The following FGGY variants were observed in gnomAD, a reference collection of about 807,000 sequenced individuals.
FGGY encodes the protein FGGY carbohydrate kinase domain containing, also known as FGGY carbohydrate kinase domain-containing protein.
A neutral mutation model predicts 71.3 loss-of-function variants in FGGY; 72 were observed. The observed-to-expected ratio is 1.01, with a 90% confidence interval of 0.84 to 1.23. The LOEUF (loss-of-function observed/expected upper bound fraction) is 1.23, where lower values mean the gene tolerates loss of function less well. Ranked by LOEUF, FGGY falls within the 50% of genes most tolerant of loss-of-function variation. The probability of loss-of-function intolerance (pLI) is 0.00; values close to 1 mark genes in which losing one functional copy is unlikely to be tolerated. For missense variants in FGGY, 668 were observed against 682.3 expected, an observed-to-expected ratio of 0.98 and a Z score of 0.23; for synonymous variants, 251 against 250.3, an observed-to-expected ratio of 1.00 and a Z score of -0.02.
rs551950731 is a variant in FGGY, at chr1:59,620,807, A to G, written c.1012-5181A>G. Reference sequence around the variant, plus strand: ...CTTCAACTGTGTAGTTCTACTTACCACTCCTATCCCAGCTCTTCACGCTGT... The same window carrying G: ...CTTCAACTGTGTAGTTCTACTTACCGCTCCTATCCCAGCTCTTCACGCTGT... On this transcript the variant is annotated intron_variant, in intron 9 of 15. Transcript: ENST00000303721. 3.3e-5 allele frequency among the ~76,000 whole-genome samples: 5 copies of G among 151,990 alleles called. No individual in the cohort carries two copies. The East Asian group carries it at 9.7e-4, about 29-fold the overall frequency.
At chr1:59,367,810 CT>C (rs2056835993) in intron 4 of FGGY, among the ~76,000 whole-genome samples, 1 of 152,198 alleles carries the variant, frequency 6.6e-6, no homozygotes, top group Non-Finnish European at 1.5e-5. Context: ...ACATACTGCC[CT>C]ACCTCCGCCC....
At chr1:59,745,036 C>T (rs1370258499) in intron 14 of FGGY, among the ~76,000 whole-genome samples, 2 of 152,208 alleles carry the variant, frequency 1.3e-5, no homozygotes, top group Admixed American at 1.3e-4. Context: ...CTGACCTCTG[C>T]TCTCTCTATG....
At chr1:59,486,155 A>G (rs955038674) in intron 6 of FGGY, among the ~76,000 whole-genome samples, 3 of 152,186 alleles carry the variant, frequency 2.0e-5, no homozygotes, top group African/African-American at 7.2e-5. Context: ...TGCCAGACAC[A>G]CAGATGTGTG....
intron 14 of FGGY, among the ~76,000 whole-genome samples, chr1:59,706,997 C>T (rs951994727): frequency 6.6e-6 from 1 of 152,164 alleles, no homozygotes; most frequent in Admixed American, 6.5e-5. Flanking sequence ...CAGAGGGCTG[C>T]ACCCCCTGCC....
At chr1:59,650,056 T>C (rs922854076) in intron 11 of FGGY, among the ~76,000 whole-genome samples, 4 of 148,682 alleles carry the variant, frequency 2.7e-5, no homozygotes, top group Non-Finnish European at 5.9e-5. Context: ...ATTACATTTA[T>C]TGATTTGCGT....
chr1:59,585,385 T>C (rs1419004313), intron 8 of FGGY, among the ~76,000 whole-genome samples: 1 of 152,166 alleles, frequency 6.6e-6, no homozygotes, highest in Non-Finnish European at 1.5e-5. Flanking sequence ...AACCATCTGA[T>C]CTTTGACAAA....
chr1:59,567,278 C>T lies in FGGY; in HGVS notation c.903+13051C>T, dbSNP rs115686085. ...TCAGTCACACAATTTTATCTGTGCACAACCGAGTTGTCCACTGAATTATAC... is the reference window on the plus strand; with the variant it reads ...TCAGTCACACAATTTTATCTGTGCATAACCGAGTTGTCCACTGAATTATAC... On this transcript the variant is annotated intron_variant, in intron 8 of 15. Coordinates refer to ENST00000303721, the MANE Select transcript of FGGY (RefSeq NM_018291.5). Among the ~76,000 whole-genome samples the T allele has an allele frequency of 3.2e-3, 480 of 152,286 alleles. 2 individuals carry two copies. Among genetic ancestry groups the T allele is most frequent in the African/African-American group, 0.011 (456 of 41,546 alleles).
intron 7 of FGGY, among the ~76,000 whole-genome samples, chr1:59,542,445 CTTTTTTTTTT>C (rs754831417): frequency 2.1e-3 from 71 of 34,256 alleles, no homozygotes; most frequent in Admixed American, 3.4e-3. Flanking sequence ...ATGTTCTTTA[CTTTTTTTTTT>C]TTTTTTTTTT....
At chr1:59,477,630 G>A (rs937761177) in intron 6 of FGGY, among the ~76,000 whole-genome samples, 6 of 152,094 alleles carry the variant, frequency 3.9e-5, no homozygotes, top group South Asian at 2.1e-4. Flanking sequence ...TAAAAATTCC[G>A]TTAAATTTTC....
chr1:59,375,224 C>T (rs1346859563), intron 4 of FGGY, among the ~76,000 whole-genome samples: 5 of 140,416 alleles, frequency 3.6e-5, no homozygotes, highest in Admixed American at 3.0e-4. Context: ...CGCACCACTA[C>T]ACTCCAGCCT....
rs560830741 is a variant in FGGY, at chr1:59,724,225, T to C, written c.1513-33706T>C. Among the ~76,000 whole-genome samples the C allele has an allele frequency of 2.2e-3, 338 of 151,214 alleles. 1 individual carries two copies. Among genetic ancestry groups the C allele is most frequent in the Non-Finnish European group, 2.2e-3 (148 of 67,866 alleles). On this transcript the variant is annotated intron_variant, in intron 14 of 15. Coordinates refer to ENST00000303721, the MANE Select transcript of FGGY (RefSeq NM_018291.5). Reference sequence around the variant, plus strand: ...CAGGCATGGTGGCTCATGCCTGTAATCCCAGCACTTTGGGAGGCCGAGGCA... The same window carrying C: ...CAGGCATGGTGGCTCATGCCTGTAACCCCAGCACTTTGGGAGGCCGAGGCA...
chr1:59,303,036 C>G (rs542020475), intron 1 of FGGY, among the ~76,000 whole-genome samples: 1 of 152,132 alleles, frequency 6.6e-6, no homozygotes, highest in Non-Finnish European at 1.5e-5. Context: ...TGTACATGCT[C>G]AAGGTGTGCA....
chr1:59,739,658 G>A lies in FGGY; in HGVS notation c.1513-18273G>A, dbSNP rs114100293. Among the ~76,000 whole-genome samples the A allele has an allele frequency of 3.1e-3, 471 of 152,200 alleles. 1 individual carries two copies. Among genetic ancestry groups the A allele is most frequent in the African/African-American group, 0.01 (432 of 41,514 alleles). On this transcript the variant is annotated intron_variant, in intron 14 of 15. Coordinates refer to ENST00000303721, the MANE Select transcript of FGGY (RefSeq NM_018291.5). Reference sequence around the variant, plus strand: ...TAGTTTCTTTCTCTCTAAAATGTACGTGGAAGGGCTGTTTTCAGAATTTTT... The same window carrying A: ...TAGTTTCTTTCTCTCTAAAATGTACATGGAAGGGCTGTTTTCAGAATTTTT...
At chr1:59,491,735 G>C (rs1228990433) in intron 6 of FGGY, among the ~76,000 whole-genome samples, 1 of 150,674 alleles carries the variant, frequency 6.6e-6, no homozygotes, top group African/African-American at 2.4e-5. Context: ...TTATTCAAAG[G>C]TTGTTGACAC....
At chr1:59,495,890 G>A (rs2094014490) in intron 6 of FGGY, among the ~76,000 whole-genome samples, 1 of 152,092 alleles carries the variant, frequency 6.6e-6, no homozygotes, top group Non-Finnish European at 1.5e-5. Context: ...CTGTAGCCTT[G>A]GAATATAGTT....
chr1:59,429,967 T>C (rs2067048363), intron 5 of FGGY, among the ~76,000 whole-genome samples: 1 of 152,178 alleles, frequency 6.6e-6, no homozygotes, highest in Admixed American at 6.5e-5. Flanking sequence ...ATGATCCTGT[T>C]TCAGAGCTGA....
intron 14 of FGGY, among the ~76,000 whole-genome samples, chr1:59,710,230 A>T (rs1418729212): frequency 1.3e-5 from 2 of 152,218 alleles, no homozygotes; most frequent in Non-Finnish European, 2.9e-5. Context: ...GTGTTGGGAA[A>T]ACTGGCTAGC....
At chr1:59,393,818 T>C (rs2060991537) in intron 5 of FGGY, among the ~76,000 whole-genome samples, 1 of 152,158 alleles carries the variant, frequency 6.6e-6, no homozygotes, top group South Asian at 2.1e-4. Flanking sequence ...TTTCATGTAA[T>C]AAAACTTAAG....
chr1:59,592,514 A>G (rs2096462128), intron 8 of FGGY, among the ~76,000 whole-genome samples: 1 of 152,220 alleles, frequency 6.6e-6, no homozygotes, highest in Non-Finnish European at 1.5e-5. Flanking sequence ...TATTCACAAT[A>G]GCAAAGACTT....
Sources: gnomAD v4.1 joint callset for allele counts (sites outside exome capture counted in the v4.1 genomes callset) on GRCh38, gnomAD v4.1.1 for gene constraint, MANE v1.5 for transcripts, NCBI Gene and HGNC (gene_info 2026-07-23, HGNC 2026-07-21) for gene names.